NRXN1: variants seen among roughly 807,000 people sequenced by gnomAD.
NRXN1 encodes the protein neurexin-1.
Under a neutral mutation model 150.9 loss-of-function variants are expected in NRXN1, and 39 were observed. The observed-to-expected ratio is 0.26, with a 90% CI of 0.20 to 0.34. The LOEUF (loss-of-function observed/expected upper bound fraction) is 0.34. Among genes scored for constraint, NRXN1 ranks in the 10% least tolerant of loss-of-function variants. The probability of loss-of-function intolerance (pLI) is 1.00; values close to 1 mark genes in which losing one functional copy is unlikely to be tolerated. For missense variants in NRXN1, 1,815 were observed against 1,949.9 expected, an observed-to-expected ratio of 0.93 and a Z score of 1.30; for synonymous variants, 924 against 757.0, an observed-to-expected ratio of 1.22 and a Z score of -3.62.
intron 17 of NRXN1, among the ~76,000 whole-genome samples, chr2:50,414,266 T>G (rs1314929351): frequency 6.6e-6 from 1 of 152,172 alleles, no homozygotes; most frequent in Non-Finnish European, 1.5e-5. Flanking sequence ...CTTTGTGATG[T>G]GTGTATTTCA....
intron 18 of NRXN1, among the ~76,000 whole-genome samples, chr2:50,228,010 T>C (rs10210619): frequency 0.66 from 100,527 of 151,908 alleles, 34,289 homozygotes; most frequent in African/African-American, 0.83. Context: ...AAAATGCTTC[T>C]GATGGAAAAT....
chr2:50,622,868 G>A (rs1468550709), intron 6 of NRXN1, among the ~76,000 whole-genome samples: 2 of 152,120 alleles, frequency 1.3e-5, no homozygotes. Flanking sequence ...TTGGGGTTGG[G>A]AGGAGGAGGG....
chr2:50,309,311 A>G (rs1346267183), intron 17 of NRXN1, among the ~76,000 whole-genome samples: 1 of 152,184 alleles, frequency 6.6e-6, no homozygotes, highest in Non-Finnish European at 1.5e-5. Flanking sequence ...ACTAGGACAC[A>G]GTTTTTCCTC....
At chr2:50,230,181 C>T (rs929986248) in intron 18 of NRXN1, among the ~76,000 whole-genome samples, 4 of 152,044 alleles carry the variant, frequency 2.6e-5, no homozygotes, top group African/African-American at 9.7e-5. Context: ...CCTGAAAACA[C>T]TCACTATTTG....
intron 17 of NRXN1, among the ~76,000 whole-genome samples, chr2:50,315,784 AC>A (rs1264194600): frequency 3.3e-5 from 5 of 152,164 alleles, no homozygotes; most frequent in African/African-American, 1.2e-4. Flanking sequence ...CAAATTAACC[AC>A]CATAGTAATG....
At chr2:50,141,548 C>T (rs183921960) in intron 18 of NRXN1, among the ~76,000 whole-genome samples, 3 of 152,064 alleles carry the variant, frequency 2.0e-5, no homozygotes, top group African/African-American at 7.2e-5. Context: ...AAAATATTTG[C>T]AAACTATTCA....
chr2:50,952,498 T>A (rs1691557404), intron 2 of NRXN1, among the ~76,000 whole-genome samples: 1 of 152,204 alleles, frequency 6.6e-6, no homozygotes, highest in Non-Finnish European at 1.5e-5. Flanking sequence ...TTTCAACAAG[T>A]TTTTATTAAT....
At chr2:50,156,798 TAAC>T (rs1164420423) in intron 18 of NRXN1, among the ~76,000 whole-genome samples, 1 of 151,948 alleles carries the variant, frequency 6.6e-6, no homozygotes, top group Non-Finnish European at 1.5e-5. Context: ...AGTAAACTCT[TAAC>T]AACAACCACA....
At chr2:50,538,663 G>A (rs749076044) in intron 9 of NRXN1, 27 bp from the exon 10 acceptor site, 7 of 1,430,764 alleles carry the variant, frequency 4.9e-6, no homozygotes, top group Non-Finnish European at 6.4e-6. Context: ...AGAATGCACA[G>A]GTCTTTAAAA....
chr2:50,007,173 T>C (rs1409598570), intron 21 of NRXN1, among the ~76,000 whole-genome samples: 1 of 148,580 alleles, frequency 6.7e-6, no homozygotes, highest in Non-Finnish European at 1.5e-5. Flanking sequence ...CGAGACCTTG[T>C]CTCTACAGAA....
At chr2:50,817,425 TA>T (rs34700019) in intron 5 of NRXN1, among the ~76,000 whole-genome samples, 5 of 150,344 alleles carry the variant, frequency 3.3e-5, no homozygotes, top group East Asian at 2.0e-4. Flanking sequence ...CACAAAACAA[TA>T]AAAAAAAATA....
At chr2:50,445,421 T>C (rs1278388586) in intron 17 of NRXN1, among the ~76,000 whole-genome samples, 6 of 152,164 alleles carry the variant, frequency 3.9e-5, no homozygotes, top group African/African-American at 2.4e-5. Flanking sequence ...GAATGAATCA[T>C]TGCAGTCAAA....
At chr2:50,442,208 A>G (rs1412687253) in intron 17 of NRXN1, among the ~76,000 whole-genome samples, 1 of 152,170 alleles carries the variant, frequency 6.6e-6, no homozygotes, top group Non-Finnish European at 1.5e-5. Flanking sequence ...TGGATTTATC[A>G]TCTGTTAGGA....
chr2:50,594,002 A>C (rs1674726843), intron 8 of NRXN1, among the ~76,000 whole-genome samples: 1 of 152,182 alleles, frequency 6.6e-6, no homozygotes, highest in African/African-American at 2.4e-5. Flanking sequence ...CAATGATATA[A>C]ACAAATTTGA....
chr2:50,361,269 A>C (rs2079165942), intron 17 of NRXN1, among the ~76,000 whole-genome samples: 1 of 152,224 alleles, frequency 6.6e-6, no homozygotes, highest in Non-Finnish European at 1.5e-5. Flanking sequence ...AGATCAGAGC[A>C]GAACTGAAGG....
intron 17 of NRXN1, among the ~76,000 whole-genome samples, chr2:50,323,904 G>A (rs2076212649): frequency 6.6e-6 from 1 of 152,146 alleles, no homozygotes; most frequent in Non-Finnish European, 1.5e-5. Flanking sequence ...GGAAAGGGGG[G>A]TACCAACCGC....
At chr2:50,994,063 A>G (rs181773617) in intron 2 of NRXN1, among the ~76,000 whole-genome samples, 13 of 152,070 alleles carry the variant, frequency 8.5e-5, no homozygotes, top group Admixed American at 8.5e-4. Flanking sequence ...ACATGGTTCT[A>G]AATCTTCCAT....
At chr2:50,094,273 G>T (rs1699938309) in intron 18 of NRXN1, among the ~76,000 whole-genome samples, 1 of 152,164 alleles carries the variant, frequency 6.6e-6, no homozygotes, top group East Asian at 1.9e-4. Flanking sequence ...AGAACACTGA[G>T]AACTGCTTTT....
intron 17 of NRXN1, among the ~76,000 whole-genome samples, chr2:50,440,395 A>G (rs1176164588): frequency 1.3e-5 from 2 of 150,376 alleles, no homozygotes; most frequent in African/African-American, 2.5e-5. Context: ...AAATCTGACT[A>G]TAGTCTTTAT....
Sources: gnomAD v4.1 joint callset for allele counts (sites outside exome capture counted in the v4.1 genomes callset) on GRCh38, gnomAD v4.1.1 for gene constraint, MANE v1.5 for transcripts, NCBI Gene and HGNC (gene_info 2026-07-23, HGNC 2026-07-21) for gene names.